NPAS3: variants seen among roughly 807,000 people sequenced by gnomAD.
NPAS3 encodes neuronal PAS domain-containing protein 3.
NPAS3 carries 14 observed loss-of-function variants against 73.1 expected under a neutral mutation model. That is an observed-to-expected ratio of 0.19 (90% CI 0.13 to 0.30). The LOEUF is 0.30. NPAS3 is among the 10% of genes least tolerant of loss of function. The pLI, the probability that NPAS3 is intolerant of heterozygous loss-of-function variation, is 1.00. For synonymous variants in NPAS3, 620 were observed against 541.5 expected (o/e 1.14, Z -2.01); for missense variants, 1,096 against 1,250.0 (o/e 0.88, Z 1.86).
At chr14:33,166,402 G>C (rs1473078794) in intron 2 of NPAS3, among the ~76,000 whole-genome samples, 1 of 151,996 alleles carries the variant, frequency 6.6e-6, no homozygotes, top group Non-Finnish European at 1.5e-5. Flanking sequence ...CCCTTTGTAT[G>C]TCCCTCAGTT....
At chr14:33,283,682 G>A (rs138516865) in intron 3 of NPAS3, among the ~76,000 whole-genome samples, 17 of 152,266 alleles carry the variant, frequency 1.1e-4, no homozygotes, top group African/African-American at 3.6e-4. Context: ...AGAATTTCTC[G>A]AGTTGAATTG....
intron 11 of NPAS3, 120 bp from the exon 12 acceptor site, chr14:33,799,614 C>A: frequency 1.0e-6 from 1 of 984,852 alleles, no homozygotes; most frequent in Non-Finnish European, 1.5e-6. Context: ...TGAGGACGGA[C>A]ACTTGCCCTG....
chr14:33,534,431 G>T (rs7154914), intron 4 of NPAS3, among the ~76,000 whole-genome samples: 57,154 of 151,830 alleles, frequency 0.38, 11,239 homozygotes, highest in African/African-American at 0.52. Context: ...CAAATCCCTT[G>T]AATGACATAG....
intron 5 of NPAS3, among the ~76,000 whole-genome samples, chr14:33,623,118 G>A (rs988199092): frequency 6.6e-6 from 1 of 152,158 alleles, no homozygotes; most frequent in Non-Finnish European, 1.5e-5. Flanking sequence ...TCCAGAGGAG[G>A]CTAGTAGAGT....
chr14:33,684,343 G>A (rs568465954), intron 6 of NPAS3, among the ~76,000 whole-genome samples: 4 of 151,062 alleles, frequency 2.6e-5, no homozygotes, highest in Non-Finnish European at 4.4e-5. Context: ...ATGGAGTCTC[G>A]CTCTGTCGCC....
At chr14:33,112,942 GT>G (rs1566573126) in intron 2 of NPAS3, among the ~76,000 whole-genome samples, 1 of 152,100 alleles carries the variant, frequency 6.6e-6, no homozygotes, top group Non-Finnish European at 1.5e-5. Context: ...CCCAGTTTTT[GT>G]TTTTGTCAGG....
At chr14:33,416,413 TA>T (rs1471617374) in intron 4 of NPAS3, among the ~76,000 whole-genome samples, 1 of 152,072 alleles carries the variant, frequency 6.6e-6, no homozygotes, top group Non-Finnish European at 1.5e-5. Context: ...ACTACTTCCA[TA>T]ACGTGTTTCT....
chr14:33,328,403 A>G (rs1160770607), intron 3 of NPAS3, among the ~76,000 whole-genome samples: 1 of 89,704 alleles, frequency 1.1e-5, no homozygotes, highest in Admixed American at 9.6e-5. Context: ...TTTTTTCTCT[A>G]TTTTATTTAT....
chr14:33,199,743 T>C (rs1471387268), intron 2 of NPAS3, among the ~76,000 whole-genome samples: 3 of 135,916 alleles, frequency 2.2e-5, no homozygotes, highest in Admixed American at 7.6e-5. Context: ...TTTCCCTCCC[T>C]TCCTCCCCTC....
intron 2 of NPAS3, among the ~76,000 whole-genome samples, chr14:33,154,004 G>C (rs1001996533): frequency 6.6e-6 from 1 of 152,176 alleles, no homozygotes; most frequent in Non-Finnish European, 1.5e-5. Flanking sequence ...TCAGAAGGGA[G>C]CATTCAGTGT....
In NPAS3 at chr14:33,359,555, C is replaced by T. The variant is rs372853483; in HGVS notation, c.386-7631C>T. Among the ~76,000 whole-genome samples, 9 of 152,074 alleles carry T rather than the reference C, an allele frequency of 5.9e-5. No homozygotes were observed. The South Asian group carries it at 1.0e-3, about 18-fold the overall frequency. ...GTCAGAGGAGGTGACAACAGTAAAG[C>T]GGCACTCATTGGAAAGGCTTTTAAG... On this transcript the variant is annotated intron_variant, in intron 3 of 11. Transcript: ENST00000356141.
chr14:33,077,774 G>GTTTTTTTTTTTTT (rs3057435), intron 2 of NPAS3, among the ~76,000 whole-genome samples: 9,206 of 86,422 alleles, frequency 0.11, 1,519 homozygotes, highest in Non-Finnish European at 0.14. Flanking sequence ...TGCAGTAAGG[G>GTTTTTTTTTTTTT]TTTTTTTTTT....
chr14:33,210,675 G>A (rs1409238154), intron 2 of NPAS3, among the ~76,000 whole-genome samples: 4 of 151,982 alleles, frequency 2.6e-5, no homozygotes, highest in Non-Finnish European at 5.9e-5. Flanking sequence ...TGAGTAATCT[G>A]TTCTTGTAAC....
intron 2 of NPAS3, among the ~76,000 whole-genome samples, chr14:33,172,100 A>G (rs1338013787): frequency 2.0e-5 from 3 of 152,182 alleles, no homozygotes; most frequent in Non-Finnish European, 2.9e-5. Context: ...GACATCAAAG[A>G]TCACTGATCA....
chr14:33,656,256 A>G (rs1355653733), intron 5 of NPAS3, among the ~76,000 whole-genome samples: 1 of 152,154 alleles, frequency 6.6e-6, no homozygotes, highest in Admixed American at 6.5e-5. Context: ...TCTCTTATCA[A>G]TTGTAATTCA....
At chr14:33,456,433 G>A (rs1007032169) in intron 4 of NPAS3, among the ~76,000 whole-genome samples, 4 of 152,054 alleles carry the variant, frequency 2.6e-5, no homozygotes, top group South Asian at 2.1e-4. Flanking sequence ...TTTAAAATGG[G>A]GCAGCTCTTT....
intron 3 of NPAS3, among the ~76,000 whole-genome samples, chr14:33,337,991 T>C (rs2044304994): frequency 6.7e-6 from 1 of 149,996 alleles, no homozygotes; most frequent in South Asian, 2.1e-4. Context: ...CTTAGGTTTT[T>C]TTTAATGTAT....
At chr14:33,192,030 C>T (rs1318160914) in intron 2 of NPAS3, among the ~76,000 whole-genome samples, 4 of 152,046 alleles carry the variant, frequency 2.6e-5, no homozygotes, top group African/African-American at 2.4e-5. Context: ...TTAGAACTTC[C>T]ACATCCTTTC....
intron 5 of NPAS3, among the ~76,000 whole-genome samples, chr14:33,629,028 G>A (rs2058301026): frequency 6.6e-6 from 1 of 151,952 alleles, no homozygotes; most frequent in African/African-American, 2.4e-5. Context: ...TCAGGAGATC[G>A]AGACCATCCT....
Sources: allele counts gnomAD v4.1 joint callset (sites outside exome capture counted in the v4.1 genomes callset), GRCh38; gene constraint gnomAD v4.1.1; transcripts MANE v1.5; gene names NCBI Gene and HGNC (gene_info 2026-07-23, HGNC 2026-07-21).